Variants in PTPRD observed in about 807,000 individuals in gnomAD.
PTPRD encodes the protein receptor-type tyrosine-protein phosphatase delta.
In PTPRD, 34 loss-of-function variants were observed where a neutral mutation model predicts 214.5. The observed-to-expected ratio is 0.16, with a 90% CI of 0.12 to 0.21. PTPRD has a LOEUF of 0.21. Among genes scored for constraint, PTPRD ranks in the 10% least tolerant of loss-of-function variants. The pLI, the probability that PTPRD is intolerant of heterozygous loss-of-function variation, is 1.00. For synonymous variants in PTPRD, 1,128 were observed against 845.7 expected (o/e 1.33, Z -5.79); for missense variants, 2,545 against 2,398.7 (o/e 1.06, Z -1.27).
intron 9 of PTPRD, among the ~76,000 whole-genome samples, chr9:9,284,122 A>G (rs1188648664): frequency 6.6e-6 from 1 of 151,612 alleles, no homozygotes; most frequent in Non-Finnish European, 1.5e-5. Context: ...GATTAGTCAG[A>G]GGAACTACAT....
chr9:10,361,409 G>C (rs149406178), intron 2 of PTPRD, among the ~76,000 whole-genome samples: 133 of 152,198 alleles, frequency 8.7e-4, no homozygotes, highest in Middle Eastern at 3.4e-3. Flanking sequence ...CACAGTTTGT[G>C]AACCACCGAT....
chr9:10,418,009 GC>G (rs1488714497), intron 2 of PTPRD, among the ~76,000 whole-genome samples: 2 of 150,740 alleles, frequency 1.3e-5, no homozygotes, highest in Non-Finnish European at 3.0e-5. Context: ...ATCTCCTAAA[GC>G]AGAAAAAAAG....
At chr9:10,364,041 C>G (rs1290092214) in intron 2 of PTPRD, among the ~76,000 whole-genome samples, 1 of 115,446 alleles carries the variant, frequency 8.7e-6, no homozygotes, top group African/African-American at 3.5e-5. Flanking sequence ...GCTCTGTTGC[C>G]CAGGCTGGAG....
At chr9:8,496,145 T>C (rs2097261109) in intron 26 of PTPRD, among the ~76,000 whole-genome samples, 1 of 150,508 alleles carries the variant, frequency 6.6e-6, no homozygotes, top group African/African-American at 2.5e-5. Flanking sequence ...CTTTAAAAAA[T>C]ATGTATGTTC....
chr9:8,696,073 G>A (rs1597249048), intron 12 of PTPRD, among the ~76,000 whole-genome samples: 1 of 152,164 alleles, frequency 6.6e-6, no homozygotes, highest in South Asian at 2.1e-4. Flanking sequence ...CCCAAGAGGC[G>A]CTCCAGAAAC....
intron 3 of PTPRD, among the ~76,000 whole-genome samples, chr9:10,137,825 TA>T (rs2098953831): frequency 6.6e-6 from 1 of 151,816 alleles, no homozygotes; most frequent in Non-Finnish European, 1.5e-5. Context: ...GGAGAAATTG[TA>T]AAACTCTTTG....
chr9:9,401,583 G>C (rs2070512279), intron 8 of PTPRD, among the ~76,000 whole-genome samples: 1 of 141,720 alleles, frequency 7.1e-6, no homozygotes, highest in South Asian at 2.4e-4. Flanking sequence ...TGTAAAACAA[G>C]AAGTCCAAAT....
rs555014033 is a variant in PTPRD, at chr9:9,805,682, C to T, written c.-367-38831G>A. Reference sequence around the variant, plus strand: ...GCTATTCTTCAGTGAAAGCTAGATCCTAACTTTTTCAGCTTAAAAAGCAAT... The same window carrying T: ...GCTATTCTTCAGTGAAAGCTAGATCTTAACTTTTTCAGCTTAAAAAGCAAT... On this transcript the variant is annotated intron_variant, in intron 5 of 45. Coordinates refer to ENST00000381196, the MANE Select transcript of PTPRD (RefSeq NM_002839.4). 5.9e-5 allele frequency among the ~76,000 whole-genome samples: 9 copies of T among 152,180 alleles called. No individual in the cohort carries two copies. In the East Asian group the frequency reaches 1.7e-3, roughly 29 times the overall value.
At chr9:10,060,364 C>T (rs1704031) in intron 3 of PTPRD, among the ~76,000 whole-genome samples, 25,133 of 151,968 alleles carry the variant, frequency 0.17, 4,651 homozygotes, top group African/African-American at 0.46. Flanking sequence ...TTGTCCCATC[C>T]ACAAACTCTT....
chr9:10,370,802 CTGTCTT>C (rs1392879917), intron 2 of PTPRD, among the ~76,000 whole-genome samples: 3 of 151,864 alleles, frequency 2.0e-5, no homozygotes, highest in African/African-American at 7.2e-5. Flanking sequence ...CTACCTAATG[CTGTCTT>C]TGATAAAAGA....
chr9:9,242,948 GT>G (rs35214694), intron 9 of PTPRD, among the ~76,000 whole-genome samples: 112,615 of 151,924 alleles, frequency 0.74, 41,978 homozygotes, highest in Middle Eastern at 0.77. Flanking sequence ...TTTCTCTTCT[GT>G]TTTTTTCCCC....
At chr9:8,906,569 C>T (rs1462323589) in intron 11 of PTPRD, among the ~76,000 whole-genome samples, 1 of 152,148 alleles carries the variant, frequency 6.6e-6, no homozygotes, top group Non-Finnish European at 1.5e-5. Context: ...TCATCCTATA[C>T]AAAAATGTAA....
At chr9:9,610,874 T>C (rs1013463651) in intron 7 of PTPRD, among the ~76,000 whole-genome samples, 4 of 152,214 alleles carry the variant, frequency 2.6e-5, no homozygotes, top group African/African-American at 9.7e-5. Flanking sequence ...TTTCCAGTTT[T>C]ATTTCTGCTA....
chr9:8,580,276 G>C (rs2093103634), intron 14 of PTPRD, among the ~76,000 whole-genome samples: 1 of 152,094 alleles, frequency 6.6e-6, no homozygotes, highest in Non-Finnish European at 1.5e-5. Context: ...GACAAACCAA[G>C]ACAGATCCGA....
At chr9:8,970,268 C>T (rs763836334) in intron 11 of PTPRD, among the ~76,000 whole-genome samples, 1 of 151,882 alleles carries the variant, frequency 6.6e-6, no homozygotes, top group Non-Finnish European at 1.5e-5. Flanking sequence ...TAAGCCATAT[C>T]ATCTGTATAT....
Position 8,315,735 on chromosome 9 carries a change from G to GGGAAAAT in PTPRD, c.*2132_*2138dup, listed in dbSNP as rs1192698837. The GGGAAAAT allele has an allele frequency of 4.4e-6, 1 of 228,840 alleles. No individual in the cohort carries two copies. The highest frequency in any genetic ancestry group is 2.2e-5 in the African/African-American group (1 of 45,006). 14.2% of individuals were successfully genotyped at this position (228,840 alleles called of 1,614,324 possible). A position where few individuals can be genotyped will look rare whatever the true frequency, so the allele number is the denominator to read the frequency against. ...TCTTGGATTTCACTCTGCTAGCAAT[G>GGGAAAAT]GGAAAATGTGGAAAACAAAAATCCT... On this transcript the variant is annotated 3_prime_UTR_variant, in exon 46 of 46. Coordinates refer to ENST00000381196, the MANE Select transcript of PTPRD (RefSeq NM_002839.4).
intron 8 of PTPRD, among the ~76,000 whole-genome samples, chr9:9,424,934 A>G (rs1220663984): frequency 6.6e-6 from 1 of 152,224 alleles, no homozygotes; most frequent in Non-Finnish European, 1.5e-5. Flanking sequence ...ATCAAGAATT[A>G]GGTTATTTTT....
At chr9:9,304,495 AT>A (rs1010850452) in intron 9 of PTPRD, among the ~76,000 whole-genome samples, 2 of 151,882 alleles carry the variant, frequency 1.3e-5, no homozygotes, top group Admixed American at 6.6e-5. Flanking sequence ...TTGACAACTC[AT>A]TTGGATTTAA....
At chr9:10,098,655 A>C (rs2098519714) in intron 3 of PTPRD, among the ~76,000 whole-genome samples, 1 of 151,672 alleles carries the variant, frequency 6.6e-6, no homozygotes, top group Admixed American at 6.6e-5. Context: ...GTTTTTGGAG[A>C]AAAACATTAG....
Sources: allele counts gnomAD v4.1 joint callset (sites outside exome capture counted in the v4.1 genomes callset), GRCh38; gene constraint gnomAD v4.1.1; transcripts MANE v1.5; gene names NCBI Gene and HGNC (gene_info 2026-07-23, HGNC 2026-07-21).